Variants in MKLN1 observed in about 807,000 individuals in gnomAD.
The protein encoded by MKLN1 is muskelin.
MKLN1 carries 18 observed loss-of-function variants against 99.0 expected under a neutral mutation model. That is an observed-to-expected ratio of 0.18 (90% CI 0.13 to 0.27). MKLN1 has a LOEUF of 0.27. Ranked by LOEUF, MKLN1 falls within the 10% of genes least tolerant of loss-of-function variation. The pLI is 1.00. For missense variants in MKLN1, 621 were observed against 875.9 expected (o/e 0.71, Z 3.67); for synonymous variants, 288 against 293.2 (o/e 0.98, Z 0.18).
intron 2 of MKLN1, among the ~76,000 whole-genome samples, chr7:131,187,612 G>C (rs1415945717): frequency 6.6e-6 from 1 of 152,134 alleles, no homozygotes; most frequent in East Asian, 1.9e-4. Flanking sequence ...AATATTTACT[G>C]GCTGGCCCTT....
At chr7:131,171,331 G>A (rs761009424) in intron 2 of MKLN1, among the ~76,000 whole-genome samples, 9 of 152,146 alleles carry the variant, frequency 5.9e-5, no homozygotes, top group African/African-American at 1.7e-4. Context: ...AAAAAGAGTC[G>A]GAAGGATAAC....
At chr7:131,418,501 A>C (rs879044187) in intron 8 of MKLN1, among the ~76,000 whole-genome samples, 4 of 151,936 alleles carry the variant, frequency 2.6e-5, no homozygotes, top group African/African-American at 7.2e-5. Context: ...ATGAGCTTAC[A>C]AAAAAAATCA....
At chr7:131,359,304 T>C (rs868682151) in intron 1 of MKLN1, among the ~76,000 whole-genome samples, 26 of 152,192 alleles carry the variant, frequency 1.7e-4, no homozygotes, top group African/African-American at 6.0e-4. Flanking sequence ...CCAAATATTT[T>C]GGGATTTTCC....
chr7:131,187,972 AAGTG>A (rs1019495213), intron 2 of MKLN1, among the ~76,000 whole-genome samples: 5 of 152,208 alleles, frequency 3.3e-5, no homozygotes, highest in Admixed American at 6.5e-5. Flanking sequence ...AAGAAAAAGA[AAGTG>A]AGTGTTTGCC....
At chr7:131,323,086 G>C (rs1242923521), upstream of MKLN1, among the ~76,000 whole-genome samples, 12 of 152,128 alleles carry the variant, frequency 7.9e-5, no homozygotes. Flanking sequence ...AATTTTGTTG[G>C]ATCTGCATTT....
intron 1 of MKLN1, among the ~76,000 whole-genome samples, chr7:131,119,454 T>A (rs1795327255): frequency 6.6e-6 from 1 of 152,246 alleles, no homozygotes; most frequent in South Asian, 2.1e-4. Flanking sequence ...TCTATCATTC[T>A]GGGATCTGGA....
At chr7:131,178,390 G>C (rs1584811801) in intron 2 of MKLN1, among the ~76,000 whole-genome samples, 1 of 148,160 alleles carries the variant, frequency 6.7e-6, no homozygotes, top group South Asian at 2.1e-4. Flanking sequence ...ACCTGCCTCG[G>C]CCTCCCAAAG....
At chr7:131,439,416 A>T (rs1481890620) in intron 10 of MKLN1, among the ~76,000 whole-genome samples, 1 of 152,128 alleles carries the variant, frequency 6.6e-6, no homozygotes, top group East Asian at 1.9e-4. Flanking sequence ...GCTGTTAAAT[A>T]ATGCATGGTT....
intron 17 of MKLN1, among the ~76,000 whole-genome samples, chr7:131,480,691 C>G (rs1273746990): frequency 1.3e-5 from 2 of 152,164 alleles, no homozygotes; most frequent in Non-Finnish European, 2.9e-5. Context: ...GCTGGAGAAC[C>G]TAGGTGTAAA....
At chr7:131,252,633 G>A (rs1202880266) in intron 3 of MKLN1, among the ~76,000 whole-genome samples, 3 of 152,130 alleles carry the variant, frequency 2.0e-5, no homozygotes, top group Non-Finnish European at 2.9e-5. Flanking sequence ...CAGGCAAGAT[G>A]AATATTTTAA....
At chr7:131,138,364 T>G (rs554534518) in intron 1 of MKLN1, among the ~76,000 whole-genome samples, 3 of 152,332 alleles carry the variant, frequency 2.0e-5, no homozygotes, top group African/African-American at 7.2e-5. Flanking sequence ...GTTTTTAAAT[T>G]TTTCATAAAA....
intron 3 of MKLN1, among the ~76,000 whole-genome samples, chr7:131,281,809 T>A (rs1798056493): frequency 6.6e-6 from 1 of 151,890 alleles, no homozygotes; most frequent in Admixed American, 6.6e-5. Flanking sequence ...GTCTTGTGAG[T>A]GGCTAGGACT....
intron 3 of MKLN1, among the ~76,000 whole-genome samples, chr7:131,260,337 C>T (rs1314184120): frequency 6.6e-6 from 1 of 152,166 alleles, no homozygotes; most frequent in African/African-American, 2.4e-5. Flanking sequence ...TATATTCCAA[C>T]ATCCAAGCTG....
chr7:131,395,500 A>ATTTTATTTTT, intron 4 of MKLN1, among the ~76,000 whole-genome samples: 2 of 142,806 alleles, frequency 1.4e-5, no homozygotes, highest in African/African-American at 2.6e-5. Context: ...ATTTTATTTT[A>ATTTTATTTTT]CTGCCAGTGT....
In MKLN1 at chr7:131,297,781, C is replaced by G. The variant is rs143174676; in HGVS notation, c.-178-77643C>G. Among the ~76,000 whole-genome samples, 152 of 152,216 alleles carry G rather than the reference C, an allele frequency of 1.0e-3. 2 individuals carry two copies. Among genetic ancestry groups the G allele is most frequent in the African/African-American group, 3.3e-3 (138 of 41,514 alleles). On this transcript the variant is annotated intron_variant, in intron 3 of 7. Coordinates refer to the MKLN1 transcript ENST00000416992. ...TGCGAATATGCAAATGGTACTCATCCATTGCAACTAGAAGTGTGAATTTTA... is the reference window on the plus strand; with the variant it reads ...TGCGAATATGCAAATGGTACTCATCGATTGCAACTAGAAGTGTGAATTTTA...
intron 2 of MKLN1, among the ~76,000 whole-genome samples, chr7:131,188,242 T>C (rs765423999): frequency 1.4e-4 from 22 of 152,048 alleles, no homozygotes; most frequent in Middle Eastern, 3.4e-3. Flanking sequence ...ATGGGGGGCG[T>C]TGGGGGGAAG....
upstream of MKLN1, chr7:131,327,271 T>C (rs1798912448): frequency 6.6e-6 from 1 of 152,170 alleles, no homozygotes; most frequent in South Asian, 2.1e-4. Context: ...GCCACAAGAT[T>C]AGTAGGATGC....
intron 12 of MKLN1, among the ~76,000 whole-genome samples, chr7:131,451,897 C>T (rs1367114184): frequency 6.6e-6 from 1 of 152,172 alleles, no homozygotes. Context: ...ACTCAGTCTA[C>T]TATAGTAAGA....
chr7:131,325,462 G>A (rs187869607), upstream of MKLN1, among the ~76,000 whole-genome samples: 3 of 152,246 alleles, frequency 2.0e-5, no homozygotes, highest in East Asian at 3.9e-4. Context: ...AGGCCAGGCC[G>A]AGGCAGGAGG....
Sources: gnomAD v4.1 joint callset for allele counts (sites outside exome capture counted in the v4.1 genomes callset) on GRCh38, gnomAD v4.1.1 for gene constraint, MANE v1.5 for transcripts, NCBI Gene and HGNC (gene_info 2026-07-23, HGNC 2026-07-21) for gene names.